CNTN4: variants seen among roughly 807,000 people sequenced by gnomAD.
CNTN4 encodes contactin 4, also known as contactin-4.
In CNTN4, 77 loss-of-function variants were observed where a neutral mutation model predicts 122.5. The observed-to-expected ratio is 0.63, with a 90% CI of 0.52 to 0.76. The LOEUF is 0.76. CNTN4 is among the 30% of genes least tolerant of loss of function. The probability of loss-of-function intolerance (pLI) is 0.00; values close to 1 mark genes in which losing one functional copy is unlikely to be tolerated. For synonymous variants in CNTN4, 512 were observed against 447.0 expected, an observed-to-expected ratio of 1.15 and a Z score of -1.83; for missense variants, 1,256 against 1,259.1, an observed-to-expected ratio of 1.00 and a Z score of 0.04.
intron 13 of CNTN4, among the ~76,000 whole-genome samples, chr3:2,979,815 T>A (rs1693789045): frequency 4.6e-5 from 7 of 152,170 alleles, no homozygotes; most frequent in Admixed American, 4.6e-4. Context: ...TCTGAAGGGA[T>A]TTATTTCTAA....
intron 4 of CNTN4, among the ~76,000 whole-genome samples, chr3:2,606,268 G>A (rs978837818): frequency 6.6e-5 from 10 of 152,090 alleles, no homozygotes; most frequent in African/African-American, 2.2e-4. Flanking sequence ...GGTTTCAAAC[G>A]GAGAACAATA....
intron 4 of CNTN4, among the ~76,000 whole-genome samples, chr3:2,629,872 C>T (rs1256154673): frequency 2.0e-5 from 3 of 152,090 alleles, no homozygotes; most frequent in East Asian, 1.9e-4. Context: ...GGACATTTCC[C>T]GCCAGCCCAA....
intron 3 of CNTN4, among the ~76,000 whole-genome samples, chr3:2,564,347 G>A (rs1464906709): frequency 1.3e-5 from 2 of 152,084 alleles, no homozygotes; most frequent in Non-Finnish European, 2.9e-5. Flanking sequence ...GTGGCTTGGA[G>A]TTAAATTTTC....
chr3:2,379,238 C>G (rs980768826), intron 3 of CNTN4, among the ~76,000 whole-genome samples: 3 of 150,152 alleles, frequency 2.0e-5, no homozygotes, highest in Non-Finnish European at 4.5e-5. Flanking sequence ...TTTTGAATTT[C>G]TTTTTCCTGC....
Position 2,709,723 on chromosome 3 carries a change from G to A in CNTN4, c.56-26492G>A, listed in dbSNP as rs1307237082. ...GAGGTCAGGAGTTCAAAATCAGCCT[G>A]GCCAACATGGTGAAACCCTCTCTCT... On this transcript the variant is annotated intron_variant, in intron 4 of 24. Transcript: ENST00000418658. The surrounding 1 kb of genome is among the most constrained non-coding windows in gnomAD (Gnocchi z 5.0). Among the ~76,000 whole-genome samples the A allele has an allele frequency of 6.6e-6, 1 of 152,026 alleles. No individual in the cohort carries two copies. The highest frequency in any genetic ancestry group is 1.5e-5 in the Non-Finnish European group (1 of 68,002).
chr3:2,597,719 C>T (rs905996416), intron 4 of CNTN4, among the ~76,000 whole-genome samples: 3 of 152,128 alleles, frequency 2.0e-5, no homozygotes, highest in Admixed American at 6.5e-5. Flanking sequence ...GATGCGCACA[C>T]GTCAGGGGAG....
chr3:2,236,191 GT>G (rs1284886171), intron 2 of CNTN4, among the ~76,000 whole-genome samples: 1 of 152,166 alleles, frequency 6.6e-6, no homozygotes, highest in Non-Finnish European at 1.5e-5. Flanking sequence ...CAGTTGTTAA[GT>G]TTACATCCTC....
At chr3:2,331,223 G>T (rs1457413280) in intron 2 of CNTN4, among the ~76,000 whole-genome samples, 6 of 152,120 alleles carry the variant, frequency 3.9e-5, no homozygotes, top group African/African-American at 1.4e-4. Context: ...TTGGATATGG[G>T]CTTCAATTTT....
chr3:2,408,456 G>A (rs781174881), intron 3 of CNTN4, among the ~76,000 whole-genome samples: 7 of 152,190 alleles, frequency 4.6e-5, no homozygotes, highest in Non-Finnish European at 1.0e-4. Context: ...TTAGGAGAAA[G>A]TCATGCCAGC....
chr3:2,364,639 G>A (rs895965433), intron 3 of CNTN4, among the ~76,000 whole-genome samples: 3 of 151,946 alleles, frequency 2.0e-5, no homozygotes, highest in African/African-American at 7.3e-5. Flanking sequence ...TGCGCATGAA[G>A]CAAATAAAGT....
intron 4 of CNTN4, among the ~76,000 whole-genome samples, chr3:2,610,013 T>C (rs908229676): frequency 6.6e-6 from 1 of 152,196 alleles, no homozygotes; most frequent in African/African-American, 2.4e-5. Context: ...TTGATTTCTC[T>C]GTCTCTCCCG....
At chr3:2,622,459 T>C in intron 4 of CNTN4, among the ~76,000 whole-genome samples, 1 of 151,900 alleles carries the variant, frequency 6.6e-6, no homozygotes, top group Non-Finnish European at 1.5e-5. Context: ...GCCCAGCTAA[T>C]TTTTTGTATT....
intron 3 of CNTN4, among the ~76,000 whole-genome samples, chr3:2,477,532 C>T (rs2075867257): frequency 6.6e-6 from 1 of 152,090 alleles, no homozygotes; most frequent in Admixed American, 6.5e-5. Context: ...AGTCAAACAG[C>T]TAGTGAATGG....
rs546711802 is a variant in CNTN4 at position 2,530,383 on chromosome 3, A to G, written c.-88-41033A>G. ...GAGTGCAGTGGCACGATCTCAGCTC[A>G]CTGCAACCTCCACCTCCTGGGTTCA... On this transcript the variant is annotated intron_variant, in intron 3 of 24. Transcript: ENST00000418658. Among the ~76,000 whole-genome samples the G allele has an allele frequency of 3.5e-5, 5 of 141,414 alleles. No homozygotes were observed. In the East Asian group the frequency reaches 1.0e-3, roughly 29 times the overall value. The allele number at this position is 141,414 out of a possible 152,430, so 92.8% of individuals were successfully genotyped here.
chr3:2,668,599 G>A (rs1205995206), intron 4 of CNTN4, among the ~76,000 whole-genome samples: 2 of 152,112 alleles, frequency 1.3e-5, no homozygotes, highest in Admixed American at 6.5e-5. Context: ...TCTCCTGCCT[G>A]ATTGCCTTGG....
chr3:2,398,129 A>C (rs78932204), intron 3 of CNTN4, among the ~76,000 whole-genome samples: 2,166 of 152,252 alleles, frequency 0.014, 48 homozygotes, highest in South Asian at 0.07. Context: ...ATTAGGCCTG[A>C]GAGGCAAAGG....
intron 3 of CNTN4, among the ~76,000 whole-genome samples, chr3:2,515,489 T>A (rs1016433167): frequency 3.3e-5 from 5 of 152,072 alleles, no homozygotes; most frequent in Non-Finnish European, 5.9e-5. Context: ...TGCCAAACAG[T>A]ATGGAAAAAT....
intron 14 of CNTN4, among the ~76,000 whole-genome samples, chr3:3,024,434 T>A (rs1698562164): frequency 6.7e-6 from 1 of 149,170 alleles, no homozygotes; most frequent in African/African-American, 2.5e-5. Context: ...CTATTCCTGA[T>A]GGTAAGTGAA....
chr3:2,341,050 C>T (rs2044192778), intron 3 of CNTN4, among the ~76,000 whole-genome samples: 1 of 152,078 alleles, frequency 6.6e-6, no homozygotes, highest in Non-Finnish European at 1.5e-5. Context: ...AACATTATTC[C>T]AAGATACTCT....
Sources: allele counts gnomAD v4.1 joint callset (sites outside exome capture counted in the v4.1 genomes callset), GRCh38; gene constraint gnomAD v4.1.1; non-coding constraint Gnocchi (gnomAD v3.1); transcripts MANE v1.5; gene names NCBI Gene and HGNC (gene_info 2026-07-23, HGNC 2026-07-21).